The following CHSY1 variants were observed in gnomAD, a reference collection of about 807,000 sequenced individuals.
CHSY1 encodes the protein N-acetylgalactosaminyl-proteoglycan 3-beta-glucuronosyltransferase 1.
In CHSY1, 13 loss-of-function variants were observed where a neutral mutation model predicts 59.8. The ratio of observed to expected loss-of-function variants is 0.22; its 90% CI spans 0.14 to 0.35. CHSY1 has a LOEUF of 0.35. Ranked by LOEUF, CHSY1 falls within the 10% of genes least tolerant of loss-of-function variation. CHSY1 has a pLI of 1.00. For missense variants in CHSY1, 947 were observed against 1,030.6 expected (o/e 0.92, Z 1.11); for synonymous variants, 459 against 401.2 (o/e 1.14, Z -1.72).
intron 2 of CHSY1, among the ~76,000 whole-genome samples, chr15:101,181,142 C>T (rs556773133): frequency 1.3e-5 from 2 of 152,292 alleles, no homozygotes; most frequent in African/African-American, 4.8e-5. Flanking sequence ...GCCTTTGTAA[C>T]GTGACTTAAG....
chr15:101,235,971 A>T (rs977313091), intron 1 of CHSY1, among the ~76,000 whole-genome samples: 5 of 152,246 alleles, frequency 3.3e-5, no homozygotes, highest in Non-Finnish European at 5.9e-5. Context: ...CTTTGAACCA[A>T]GTGCCAAGTA....
At chr15:101,208,767 A>G (rs1264783778) in intron 2 of CHSY1, among the ~76,000 whole-genome samples, 1 of 152,048 alleles carries the variant, frequency 6.6e-6, no homozygotes, top group Non-Finnish European at 1.5e-5. Context: ...GCCACTGGAC[A>G]CGTCTAAGGT....
chr15:101,239,714 T>TACATTTCTGGCTA (rs113892335), intron 1 of CHSY1, among the ~76,000 whole-genome samples: 320 of 152,002 alleles, frequency 2.1e-3, no homozygotes, highest in African/African-American at 7.3e-3. Context: ...AAATGCTTCT[T>TACATTTCTGGCTA]AAAACCTGAG....
At chr15:101,236,003 G>T (rs7164571) in intron 1 of CHSY1, among the ~76,000 whole-genome samples, 185 of 152,242 alleles carry the variant, frequency 1.2e-3, no homozygotes, top group African/African-American at 4.3e-3. Flanking sequence ...AAAGGGATGT[G>T]GTGGTGAACA....
At chr15:101,184,275 T>C (rs187568473) in intron 2 of CHSY1, among the ~76,000 whole-genome samples, 154 of 152,324 alleles carry the variant, frequency 1.0e-3, no homozygotes, top group Non-Finnish European at 1.6e-3. Flanking sequence ...AACAGGCTGG[T>C]AGAAGCTGTA....
rs1283292658 is a variant in CHSY1, at chr15:101,222,788, GGGGGGGGT to G, written c.816+12286_816+12293del. Among the ~76,000 whole-genome samples, 3 of 146,158 alleles carry G rather than the reference GGGGGGGGT, an allele frequency of 2.1e-5. No individual in the cohort carries two copies. The South Asian group carries it at 6.3e-4, about 31-fold the overall frequency. ...TGTGTCTTTCTCATGCCATCATGGT[GGGGGGGGT>G]ACCTGACACAAATGTGACCCACTCC... On this transcript the variant is annotated intron_variant, in intron 2 of 2. Transcript: ENST00000254190.
Position 101,176,783 on chromosome 15 carries a change from G to A in CHSY1, c.*605C>T, listed in dbSNP as rs3784524. On this transcript the variant is annotated 3_prime_UTR_variant, in exon 3 of 3. Coordinates refer to ENST00000254190, the MANE Select transcript of CHSY1 (RefSeq NM_014918.5). ...TGCATTCCAGCCTGGGTAACAGAGTGAGACTCCGTCTCAAAAAAAGAACAA... is the reference window on the plus strand; with the variant it reads ...TGCATTCCAGCCTGGGTAACAGAGTAAGACTCCGTCTCAAAAAAAGAACAA... The A allele has an allele frequency of 0.016, 3,006 of 186,148 alleles. 37 individuals are homozygous for A. Among genetic ancestry groups the A allele is most frequent in the East Asian group, 0.061 (467 of 7,698 alleles). 11.5% of individuals were successfully genotyped at this position (186,148 alleles called of 1,614,324 possible).
At chr15:101,207,955 T>C (rs1403813051) in intron 2 of CHSY1, among the ~76,000 whole-genome samples, 1 of 152,180 alleles carries the variant, frequency 6.6e-6, no homozygotes. Context: ...CCGCCAACCC[T>C]TGAGTTGAGT....
chr15:101,235,955 A>T (rs2038936916), intron 1 of CHSY1, among the ~76,000 whole-genome samples: 1 of 152,184 alleles, frequency 6.6e-6, no homozygotes, highest in South Asian at 2.1e-4. Flanking sequence ...TCACTCAAAA[A>T]ATTTTCTTTG....
At position 101,202,651 on chromosome 15, in the gene CHSY1, G is replaced by A. The variant is rs577435644; in HGVS notation, c.817-23671C>T. ...AGCAGAGGCTGCAGGGGAGGATGGA[G>A]GGCATTTCTGACCCCTTGCAGCACT... On this transcript the variant is annotated intron_variant, in intron 2 of 2. Transcript: ENST00000254190. 3.9e-4 allele frequency among the ~76,000 whole-genome samples: 59 copies of A among 152,324 alleles called. No homozygotes were observed. The South Asian group carries it at 5.0e-3, about 13-fold the overall frequency.
intron 2 of CHSY1, among the ~76,000 whole-genome samples, chr15:101,200,375 G>A (rs2038560959): frequency 6.6e-6 from 1 of 152,170 alleles, no homozygotes; most frequent in African/African-American, 2.4e-5. Flanking sequence ...GCTGGAGCCT[G>A]GCCTGCTTCT....
rs199780938 is a variant in CHSY1, at chr15:101,248,624, G to GA, written c.320+2512dup. On this transcript the variant is annotated intron_variant, in intron 1 of 2. Coordinates refer to ENST00000254190, the MANE Select transcript of CHSY1 (RefSeq NM_014918.5). ...TGTTTCTGCTTTCCCCTAACCACCT[G>GA]AAAAAAAAATAATAAATAAACAATG... is the stretch of plus-strand genomic sequence containing the variant. Among the ~76,000 whole-genome samples, 61 of 150,086 alleles carry GA rather than the reference G, an allele frequency of 4.1e-4. No homozygotes were observed. The East Asian group carries it at 4.9e-3, about 12-fold the overall frequency.
intron 1 of CHSY1, among the ~76,000 whole-genome samples, chr15:101,235,925 A>G (rs537685054): frequency 6.3e-4 from 96 of 152,348 alleles, no homozygotes; most frequent in Non-Finnish European, 1.1e-3. Context: ...TCTATAAAAC[A>G]AAAAACAAAA....
In CHSY1 at chr15:101,250,021, C is replaced by A. The variant is rs114473860; in HGVS notation, c.320+1116G>T. Reference sequence around the variant, plus strand: ...CTTTCTCCCTTAAAGGCAAGGGAGACCATATATGCTTTTCCCCTCACAACA... The same window carrying A: ...CTTTCTCCCTTAAAGGCAAGGGAGAACATATATGCTTTTCCCCTCACAACA... On this transcript the variant is annotated intron_variant, in intron 1 of 2. Transcript: ENST00000254190. Among the ~76,000 whole-genome samples the A allele has an allele frequency of 2.5e-3, 380 of 152,286 alleles. 3 individuals carry two copies. Among genetic ancestry groups the A allele is most frequent in the African/African-American group, 8.3e-3 (344 of 41,550 alleles).
At position 101,176,338 on chromosome 15, in the gene CHSY1, T is replaced by C. The variant is rs192694836; in HGVS notation, c.*1050A>G. On this transcript the variant is annotated 3_prime_UTR_variant, in exon 3 of 3. Coordinates refer to ENST00000254190, the MANE Select transcript of CHSY1 (RefSeq NM_014918.5). ...ACAGGATGAAAGGAACAAAACCAAA[T>C]ACATTTTTCCCCAACGTTTTGATTA... 677 of 398,570 alleles carry C rather than the reference T, an allele frequency of 1.7e-3. 4 individuals are homozygous for C. The highest frequency in any genetic ancestry group is 0.013 in the African/African-American group (611 of 48,766). The allele number at this position is 398,570 out of a possible 1,614,324, so 24.7% of individuals were successfully genotyped here.
chr15:101,241,932 A>C (rs921898857), intron 1 of CHSY1, among the ~76,000 whole-genome samples: 1 of 152,246 alleles, frequency 6.6e-6, no homozygotes, highest in Admixed American at 6.5e-5. Flanking sequence ...AAACCTTCAC[A>C]TACCCTCCTG....
At chr15:101,247,920 A>G (rs573276251) in intron 1 of CHSY1, among the ~76,000 whole-genome samples, 2 of 152,304 alleles carry the variant, frequency 1.3e-5, no homozygotes, top group South Asian at 4.1e-4. Context: ...GTTGGAATGA[A>G]GAGGTTGCTA....
chr15:101,179,129 A>G, intron 2 of CHSY1, 149 bp from the exon 3 acceptor site: 1 of 766,416 alleles, frequency 1.3e-6, no homozygotes, highest in Non-Finnish European at 2.2e-6. Flanking sequence ...CAGCAGTCCA[A>G]TGTGGTTAGA....
chr15:101,214,587 G>A (rs1028298790), intron 2 of CHSY1, among the ~76,000 whole-genome samples: 1 of 152,212 alleles, frequency 6.6e-6, no homozygotes, highest in Admixed American at 6.5e-5. Context: ...ATCTCATGTC[G>A]GATTGCAGTC....
Sources: gnomAD v4.1 joint callset for allele counts (sites outside exome capture counted in the v4.1 genomes callset) on GRCh38, gnomAD v4.1.1 for gene constraint, MANE v1.5 for transcripts, NCBI Gene and HGNC (gene_info 2026-07-23, HGNC 2026-07-21) for gene names.